Variants in TMPRSS6 observed in about 807,000 individuals in gnomAD.
The protein encoded by TMPRSS6 is transmembrane serine protease 6.
TMPRSS6 carries 67 observed loss-of-function variants against 101.5 expected under a neutral mutation model. The ratio of observed to expected loss-of-function variants is 0.66; its 90% CI spans 0.54 to 0.81. The LOEUF (loss-of-function observed/expected upper bound fraction) is 0.81, where lower values mean the gene tolerates loss of function less well. TMPRSS6 is among the 30% of genes least tolerant of loss of function. TMPRSS6 has a pLI of 0.00. For synonymous variants in TMPRSS6, 453 were observed against 464.9 expected (o/e 0.97, Z 0.33); for missense variants, 1,034 against 1,088.7 (o/e 0.95, Z 0.71).
rs368672399 is a variant in TMPRSS6 at position 37,084,377 on chromosome 22, G to A, written c.1114C>T (p.Leu372Phe). 9.7e-5 allele frequency: 156 copies of A among 1,612,686 alleles called. No individual in the cohort carries two copies. The highest frequency in any genetic ancestry group is 1.3e-4 in the Non-Finnish European group (153 of 1,179,422). Residue 372 changes from leucine (L) to phenylalanine (F), a missense_variant, in exon 10 of 18, where the codon CTC (leucine) becomes TTC (phenylalanine). By Grantham distance (22) the Leu-to-Phe change is conservative. Transcript: ENST00000676104. ...TVPSLDYGLA[L>F]WFDAYALRRQ... is the part of the protein sequence containing the mutation. ...CTCAGTGCATAGGCATCAAACCAGA[G>A]GGCCAAGCCGTAGTCCAGAGAGGGC...
chr22:37,071,946 T>TG (rs1351791604), intron 13 of TMPRSS6, among the ~76,000 whole-genome samples: 30 of 144,170 alleles, frequency 2.1e-4, no homozygotes, highest in Non-Finnish European at 3.6e-4. Context: ...GATGGGTGGA[T>TG]GATGGATGGA....
chr22:37,074,211 G>A (rs370351549), intron 12 of TMPRSS6, among the ~76,000 whole-genome samples: 15 of 152,176 alleles, frequency 9.9e-5, no homozygotes, highest in African/African-American at 3.4e-4. Context: ...CCCCAGCACC[G>A]TGGCAGGATC....
chr22:37,100,303 G>A lies in TMPRSS6; in HGVS notation c.203-1754C>T, dbSNP rs548563049. Among the ~76,000 whole-genome samples the A allele has an allele frequency of 1.3e-4, 20 of 152,344 alleles. No individual in the cohort carries two copies. The South Asian group carries it at 1.7e-3, about 13-fold the overall frequency. On this transcript the variant is annotated intron_variant, in intron 2 of 17. Coordinates refer to ENST00000676104, the MANE Select transcript of TMPRSS6 (RefSeq NM_001374504.1). ...TTAAGCAGCGAAGTTAGAGGATTTC[G>A]TTTGCTTTATCAAATGGTCCCTCTG...
At chr22:37,074,968 C>T (rs1927487706) in intron 11 of TMPRSS6, among the ~76,000 whole-genome samples, 167 bp downstream of exon 11, 1 of 152,204 alleles carries the variant, frequency 6.6e-6, no homozygotes, top group Non-Finnish European at 1.5e-5. Flanking sequence ...CACACGTGGG[C>T]ACACAAAGCT....
chr22:37,083,114 T>C (rs1448025739), intron 10 of TMPRSS6: 2 of 470,822 alleles, frequency 4.2e-6, no homozygotes, highest in Admixed American at 4.7e-5. Flanking sequence ...GACAAATCTT[T>C]CATACTAGAC....
intron 12 of TMPRSS6, among the ~76,000 whole-genome samples, chr22:37,074,113 T>C (rs887592027): frequency 6.6e-6 from 1 of 152,160 alleles, no homozygotes; most frequent in Admixed American, 6.6e-5. Context: ...ATTTCACTGG[T>C]GGAAACAGAT....
intron 1 of TMPRSS6, among the ~76,000 whole-genome samples, chr22:37,107,770 C>G (rs907578716): frequency 1.3e-5 from 2 of 152,222 alleles, no homozygotes; most frequent in African/African-American, 4.8e-5. Context: ...GTGGCTCCCT[C>G]CTTTACCTCC....
rs781687988 is a variant in TMPRSS6, at chr22:37,084,860, T to C, written c.974-21A>G. 26 of 1,544,174 alleles carry C rather than the reference T, an allele frequency of 1.7e-5. No homozygotes were observed. In the South Asian group the frequency reaches 2.9e-4, roughly 17 times the overall value. ...ACAGGCTGGACCAGGAGAGCAGCTG[T>C]TACACAGGGGTCCCCTGGCTGCACC... is the stretch of plus-strand genomic sequence containing the variant. On this transcript the variant is annotated intron_variant, in intron 8 of 17. Coordinates refer to ENST00000676104, the MANE Select transcript of TMPRSS6 (RefSeq NM_001374504.1).
At chr22:37,072,450 GGAT>G (rs1345994115) in intron 13 of TMPRSS6, among the ~76,000 whole-genome samples, 8 of 142,706 alleles carry the variant, frequency 5.6e-5, no homozygotes, top group Non-Finnish European at 1.1e-4. Flanking sequence ...ATGGATGGAT[GGAT>G]GATGGATGGA....
intron 16 of TMPRSS6, chr22:37,068,516 C>G (rs1926546063): frequency 1.3e-6 from 1 of 750,648 alleles, no homozygotes; most frequent in Admixed American, 1.8e-5. Context: ...AGGGGAGAGA[C>G]CCTGTTTCTG....
chr22:37,065,886 C>T lies in TMPRSS6; in HGVS notation c.*194G>A. On this transcript the variant is annotated 3_prime_UTR_variant, in exon 18 of 18. Transcript: ENST00000676104. ...GGTCCTCAGGGGACGTCTTGACCCC[C>T]AGCTGCTGGCACTTCTCCATCCTCC... 1.4e-6 allele frequency: 1 copy of T among 707,624 alleles called. No homozygotes were observed. The highest frequency in any genetic ancestry group is 1.8e-5 in the South Asian group (1 of 54,326). The allele number at this position is 707,624 out of a possible 1,614,324, so 43.8% of individuals were successfully genotyped here.
Position 37,089,699 on chromosome 22 carries a change from GC to G in TMPRSS6, c.714del (p.Trp238CysfsTer91). The G allele has an allele frequency of 6.2e-7, 1 of 1,611,972 alleles. No individual in the cohort carries two copies. Among genetic ancestry groups the G allele is most frequent in the Non-Finnish European group, 8.5e-7 (1 of 1,179,252 alleles). ...GPDHLASSCL[W>X]HLQGPKDLML... ...ATGAGGTCCTTGGGGCCCTGCAGGT[GC>G]CACAGGCAGCTGGAGGCCAGGTGGT... On this transcript the variant is annotated frameshift_variant, in exon 7 of 18. Coordinates refer to ENST00000676104, the MANE Select transcript of TMPRSS6 (RefSeq NM_001374504.1). LOFTEE classifies it high-confidence loss of function.
chr22:37,073,676 G>T, intron 12 of TMPRSS6, 31 bp from the exon 13 acceptor site: 1 of 1,538,072 alleles, frequency 6.5e-7, no homozygotes, highest in Non-Finnish European at 9.0e-7. Context: ...GGGACAGGTG[G>T]GAGGAAGCCA....
intron 2 of TMPRSS6, among the ~76,000 whole-genome samples, chr22:37,099,465 C>A (rs1452195827): frequency 6.6e-6 from 1 of 152,168 alleles, no homozygotes; most frequent in East Asian, 1.9e-4. Context: ...GCTATTTTGG[C>A]TGAAGTGAAG....
At chr22:37,076,646 G>A (rs925618467) in intron 10 of TMPRSS6, among the ~76,000 whole-genome samples, 2 of 152,204 alleles carry the variant, frequency 1.3e-5, no homozygotes, top group African/African-American at 4.8e-5. Flanking sequence ...AGTGGGTGCA[G>A]CCACTCCCCC....
intron 6 of TMPRSS6, among the ~76,000 whole-genome samples, chr22:37,094,464 CAGAG>C (rs1041893550): frequency 6.6e-6 from 1 of 151,392 alleles, no homozygotes; most frequent in African/African-American, 2.4e-5. Flanking sequence ...CAGACAGAGA[CAGAG>C]AGACAGACAG....
At chr22:37,067,479 A>C (rs1009248606) in intron 16 of TMPRSS6, among the ~76,000 whole-genome samples, 9 of 151,860 alleles carry the variant, frequency 5.9e-5, no homozygotes, top group African/African-American at 2.2e-4. Context: ...AAAAAACAAA[A>C]AAAAGAAAAA....
At chr22:37,090,956 T>C (rs1447884920) in intron 6 of TMPRSS6, among the ~76,000 whole-genome samples, 1 of 152,194 alleles carries the variant, frequency 6.6e-6, no homozygotes, top group Non-Finnish European at 1.5e-5. Flanking sequence ...ATCTCACGGC[T>C]GCCTCACTTC....
intron 2 of TMPRSS6, among the ~76,000 whole-genome samples, chr22:37,102,811 G>A (rs1930437912): frequency 6.6e-6 from 1 of 152,134 alleles, no homozygotes; most frequent in Admixed American, 6.5e-5. Context: ...AGGTACCATT[G>A]GTGCCTCTGG....
Sources: allele counts gnomAD v4.1 joint callset (sites outside exome capture counted in the v4.1 genomes callset), GRCh38; gene constraint gnomAD v4.1.1; transcripts MANE v1.5; gene names NCBI Gene and HGNC (gene_info 2026-07-23, HGNC 2026-07-21).